ABCG2: variants seen among roughly 807,000 people sequenced by gnomAD.
ABCG2 encodes broad substrate specificity ATP-binding cassette transporter ABCG2.
ABCG2 carries 80 observed loss-of-function variants against 73.5 expected under a neutral mutation model. The ratio of observed to expected loss-of-function variants is 1.09; its 90% CI spans 0.91 to 1.31. The LOEUF is 1.31. Among genes scored for constraint, ABCG2 ranks in the 50% most tolerant of loss-of-function variants. ABCG2 has a pLI of 0.00. For synonymous variants in ABCG2, 269 were observed against 282.4 expected (o/e 0.95, Z 0.48); for missense variants, 796 against 786.2 (o/e 1.01, Z -0.15).
chr4:88,143,022 C>T (rs1725746455), intron 1 of ABCG2, among the ~76,000 whole-genome samples: 1 of 152,082 alleles, frequency 6.6e-6, no homozygotes, highest in South Asian at 2.1e-4. Context: ...ATTTTTTCAT[C>T]ATTATTTCCT....
At chr4:88,131,331 C>T in intron 4 of ABCG2, 118 bp from the exon 5 acceptor site, 1 of 1,094,444 alleles carries the variant, frequency 9.1e-7, no homozygotes, top group Middle Eastern at 2.1e-4. Context: ...AAAGTTCTAG[C>T]TAATGATGAA....
intron 1 of ABCG2, among the ~76,000 whole-genome samples, chr4:88,214,382 C>A (rs1233809000): frequency 6.6e-6 from 1 of 152,144 alleles, no homozygotes; most frequent in Non-Finnish European, 1.5e-5. Context: ...TCAAAAGATA[C>A]TCACTTCTCC....
chr4:88,230,180 A>G (rs1730396929), intron 1 of ABCG2, among the ~76,000 whole-genome samples: 1 of 149,190 alleles, frequency 6.7e-6, no homozygotes, highest in Admixed American at 6.7e-5. Context: ...TTTAGTAAAG[A>G]CAGGGTTTCA....
intron 1 of ABCG2, among the ~76,000 whole-genome samples, chr4:88,206,039 C>T (rs1392851872): frequency 6.6e-6 from 1 of 152,196 alleles, no homozygotes; most frequent in Non-Finnish European, 1.5e-5. Context: ...GACAATACTT[C>T]GTTCTCTAAT....
intron 1 of ABCG2, among the ~76,000 whole-genome samples, chr4:88,173,508 C>G (rs898741718): frequency 2.0e-5 from 3 of 152,192 alleles, no homozygotes; most frequent in Admixed American, 6.5e-5. Flanking sequence ...CATTAGGAAG[C>G]TCCGAATGCC....
chr4:88,177,659 C>CA (rs1029231971), intron 1 of ABCG2, among the ~76,000 whole-genome samples: 8 of 152,036 alleles, frequency 5.3e-5, no homozygotes, highest in African/African-American at 1.9e-4. Flanking sequence ...TCATTGAAAG[C>CA]AACACTGAAG....
At chr4:88,147,070 GGAAAA>G (rs201360784) in intron 1 of ABCG2, among the ~76,000 whole-genome samples, 7 of 116,766 alleles carry the variant, frequency 6.0e-5, no homozygotes, top group African/African-American at 1.4e-4. Flanking sequence ...GGAAAGGAAA[GGAAAA>G]GAAAAGAAAA....
At chr4:88,194,833 G>A (rs1045412870) in intron 1 of ABCG2, among the ~76,000 whole-genome samples, 2 of 152,084 alleles carry the variant, frequency 1.3e-5, no homozygotes, top group Non-Finnish European at 2.9e-5. Context: ...GAAAATGGTA[G>A]GAGACAGGGC....
chr4:88,154,512 G>A (rs1023027303), intron 1 of ABCG2, among the ~76,000 whole-genome samples: 8 of 152,204 alleles, frequency 5.3e-5, no homozygotes, highest in African/African-American at 1.9e-4. Context: ...AATGATAGAT[G>A]TGGAAGATAC....
intron 1 of ABCG2, among the ~76,000 whole-genome samples, chr4:88,181,241 A>G (rs1372183000): frequency 1.3e-5 from 2 of 151,772 alleles, no homozygotes; most frequent in Non-Finnish European, 2.9e-5. Flanking sequence ...CTCTACTAAA[A>G]ATACAAAAAC....
intron 10 of ABCG2, among the ~76,000 whole-genome samples, chr4:88,104,973 C>T (rs962251181): frequency 6.6e-6 from 1 of 152,150 alleles, no homozygotes; most frequent in African/African-American, 2.4e-5. Context: ...ATGCTTCCTG[C>T]TGCACAATAT....
intron 8 of ABCG2, among the ~76,000 whole-genome samples, chr4:88,114,355 G>A (rs72659642): frequency 0.19 from 28,901 of 151,856 alleles, 2,931 homozygotes; most frequent in Middle Eastern, 0.29. Flanking sequence ...GGCCAGGGGC[G>A]GTGGCTCACA....
rs188747877 is a variant in ABCG2 at position 88,199,918 on chromosome 4, C to A, written c.-20+31076G>T. On this transcript the variant is annotated intron_variant, in intron 1 of 15. Coordinates refer to the ABCG2 transcript ENST00000515655. ...CCGGGAGGCTGAGGCGGGAGAATGGCGTGAACCCGGCAGGCAGAGCTTGCA... is the reference window on the plus strand; with the variant it reads ...CCGGGAGGCTGAGGCGGGAGAATGGAGTGAACCCGGCAGGCAGAGCTTGCA... 2.0e-3 allele frequency among the ~76,000 whole-genome samples: 310 copies of A among 152,280 alleles called. 1 individual carries two copies. The highest frequency in any genetic ancestry group is 7.2e-3 in the African/African-American group (300 of 41,554).
At chr4:88,190,538 T>C (rs546720158) in intron 1 of ABCG2, among the ~76,000 whole-genome samples, 4 of 152,370 alleles carry the variant, frequency 2.6e-5, no homozygotes, top group African/African-American at 9.6e-5. Context: ...GTTACTCAGC[T>C]TGCTGAATTT....
At chr4:88,119,583 G>C (rs1246981509) in intron 6 of ABCG2, among the ~76,000 whole-genome samples, 2 of 152,058 alleles carry the variant, frequency 1.3e-5, no homozygotes, top group Non-Finnish European at 2.9e-5. Flanking sequence ...TGAGGAACTT[G>C]TTGGGAACTG....
chr4:88,127,586 T>A (rs1724520481), intron 5 of ABCG2, among the ~76,000 whole-genome samples: 2 of 151,932 alleles, frequency 1.3e-5, no homozygotes, highest in South Asian at 4.1e-4. Flanking sequence ...TATAGACCAA[T>A]GGAACAGAAC....
chr4:88,150,208 T>C (rs925658403), intron 1 of ABCG2, among the ~76,000 whole-genome samples: 1 of 152,062 alleles, frequency 6.6e-6, no homozygotes, highest in African/African-American at 2.4e-5. Context: ...TTCCTGCTAC[T>C]TGGGAGACTG....
chr4:88,195,513 C>T (rs1421153430), intron 1 of ABCG2, among the ~76,000 whole-genome samples: 1 of 152,098 alleles, frequency 6.6e-6, no homozygotes, highest in Non-Finnish European at 1.5e-5. Context: ...GCAGCAACCT[C>T]AGTTCTTGCC....
At chr4:88,230,614 T>A (rs886415091) in intron 1 of ABCG2, among the ~76,000 whole-genome samples, 1 of 151,980 alleles carries the variant, frequency 6.6e-6, no homozygotes, top group Non-Finnish European at 1.5e-5. Flanking sequence ...GCCATCAAAG[T>A]AGGTACAGCC....
Sources: allele counts gnomAD v4.1 joint callset (sites outside exome capture counted in the v4.1 genomes callset), GRCh38; gene constraint gnomAD v4.1.1; transcripts MANE v1.5; gene names NCBI Gene and HGNC (gene_info 2026-07-23, HGNC 2026-07-21).